The following AKT2 variants were observed in gnomAD, a reference collection of about 807,000 sequenced individuals.
AKT2 encodes the protein RAC-beta serine/threonine-protein kinase.
Under a neutral mutation model 58.6 loss-of-function variants are expected in AKT2, and 16 were observed. The observed-to-expected ratio is 0.27, with a 90% CI of 0.18 to 0.41. The LOEUF (loss-of-function observed/expected upper bound fraction) is 0.41, where lower values mean the gene tolerates loss of function less well. Ranked by LOEUF, AKT2 falls within the 10% of genes least tolerant of loss-of-function variation. The pLI, the probability that AKT2 is intolerant of heterozygous loss-of-function variation, is 1.00. For missense variants in AKT2, 438 were observed against 661.0 expected, an observed-to-expected ratio of 0.66 and a Z score of 3.70; for synonymous variants, 253 against 254.0, an observed-to-expected ratio of 1.00 and a Z score of 0.04.
At chr19:40,284,267 G>A (rs1386104018) in intron 1 of AKT2, among the ~76,000 whole-genome samples, 1 of 152,080 alleles carries the variant, frequency 6.6e-6, no homozygotes, top group African/African-American at 2.4e-5. Context: ...GCGGGTGCAG[G>A]GGCACGGCTC....
At chr19:40,251,030 C>CT (rs1975119092) in intron 4 of AKT2, among the ~76,000 whole-genome samples, 1 of 151,988 alleles carries the variant, frequency 6.6e-6, no homozygotes, top group Admixed American at 6.6e-5. Flanking sequence ...TAGCAAGACT[C>CT]TGTCTCCACA....
chr19:40,236,522 C>T, intron 9 of AKT2, 137 bp from the exon 10 acceptor site: 1 of 1,190,240 alleles, frequency 8.4e-7, no homozygotes, highest in South Asian at 1.3e-5. Context: ...CACACACAGC[C>T]TCACCCTCTG....
intron 1 of AKT2, chr19:40,274,887 G>T: frequency 2.8e-6 from 1 of 359,564 alleles, no homozygotes; most frequent in Non-Finnish European, 5.5e-6. Context: ...CGCCTGAGGC[G>T]AGCTGGGGAG....
chr19:40,274,886 C>T (rs889567125), intron 1 of AKT2: 8 of 356,816 alleles, frequency 2.2e-5, no homozygotes, highest in East Asian at 1.5e-4. Flanking sequence ...CCGCCTGAGG[C>T]GAGCTGGGGA....
chr19:40,277,181 A>C (rs534529936), intron 1 of AKT2, among the ~76,000 whole-genome samples: 2 of 152,296 alleles, frequency 1.3e-5, no homozygotes, highest in African/African-American at 4.8e-5. Context: ...GGCCGTCCTG[A>C]GCCTGTCAGA....
At chr19:40,256,353 A>T (rs917947954) in intron 3 of AKT2, among the ~76,000 whole-genome samples, 3 of 152,200 alleles carry the variant, frequency 2.0e-5, no homozygotes, top group African/African-American at 7.2e-5. Context: ...GAACAACAGG[A>T]CATGGTGACC....
At chr19:40,282,158 T>G in intron 1 of AKT2, 1 of 202,856 alleles carries the variant, frequency 4.9e-6, no homozygotes, top group Non-Finnish European at 1.0e-5. Flanking sequence ...AAGTAGGGGG[T>G]GGGGGAGGCT....
chr19:40,258,144 C>A (rs531160178), intron 2 of AKT2, among the ~76,000 whole-genome samples: 1 of 149,574 alleles, frequency 6.7e-6, no homozygotes, highest in Non-Finnish European at 1.5e-5. Context: ...ACTTGGGAGG[C>A]TGAGGCAGGA....
rs4803321 is a variant in AKT2 at position 40,237,362 on chromosome 19, A to C, written c.831+607T>G. The C allele has an allele frequency of 0.97, 151,098 of 155,204 alleles. 73,577 individuals are homozygous for C. Among genetic ancestry groups the C allele is most frequent in the African/African-American group, 0.99 (41,110 of 41,578 alleles). The allele number at this position is 155,204 out of a possible 1,614,324, so 9.6% of individuals were successfully genotyped here. A position where few individuals can be genotyped will look rare whatever the true frequency, so the allele number is the denominator to read the frequency against. The stretch of plus-strand genomic sequence containing the variant: ...GGACACTGCCAAACTATCTTCTAAA[A>C]TTGGCCGGGCGCGGGGGCTCATGCC... On this transcript the variant is annotated intron_variant, in intron 9 of 13. Transcript: ENST00000392038. The surrounding 1 kb of genome is among the most constrained non-coding windows in gnomAD (Gnocchi z 4.5).
chr19:40,238,202 A>C lies in AKT2; in HGVS notation c.709-111T>G. 1 of 1,402,876 alleles carries C rather than the reference A, an allele frequency of 7.1e-7. No individual in the cohort carries two copies. The highest frequency in any genetic ancestry group is 9.7e-7 in the Non-Finnish European group (1 of 1,027,396). The allele number at this position is 1,402,876 out of a possible 1,614,324, so 86.9% of individuals were successfully genotyped here. A position where few individuals can be genotyped will look rare whatever the true frequency, so the allele number is the denominator to read the frequency against. ...TGATGTGGTGACACCTGTATCATGAACCAGCAAGTGACAGCTAGAGGGACC... is the reference window on the plus strand; with the variant it reads ...TGATGTGGTGACACCTGTATCATGACCCAGCAAGTGACAGCTAGAGGGACC... On this transcript the variant is annotated intron_variant, in intron 8 of 13. Coordinates refer to ENST00000392038, the MANE Select transcript of AKT2 (RefSeq NM_001626.6). This position sits in a 1 kb window ranked among gnomAD's most constrained non-coding sequence, Gnocchi z 5.1.
At chr19:40,267,484 AG>A (rs1976442673) in intron 1 of AKT2, among the ~76,000 whole-genome samples, 1 of 152,072 alleles carries the variant, frequency 6.6e-6, no homozygotes, top group Non-Finnish European at 1.5e-5. Context: ...CTCTTCCTTG[AG>A]GTCTCAGCTA....
chr19:40,263,376 A>C (rs536349893), intron 2 of AKT2, among the ~76,000 whole-genome samples: 2 of 152,306 alleles, frequency 1.3e-5, no homozygotes, highest in South Asian at 4.1e-4. Context: ...CGTGCTGGGG[A>C]TACCACTGTG....
intron 1 of AKT2, chr19:40,268,561 C>T (rs1976519636): frequency 6.6e-6 from 1 of 152,426 alleles, no homozygotes; most frequent in Admixed American, 6.5e-5. Context: ...AGGACAGAAG[C>T]TGAGAGAAGG....
chr19:40,263,475 G>T (rs1009860536), intron 2 of AKT2, among the ~76,000 whole-genome samples: 15 of 152,202 alleles, frequency 9.9e-5, no homozygotes, highest in Non-Finnish European at 2.1e-4. Flanking sequence ...TGAAACCAAG[G>T]CTCAGTGAGG....
chr19:40,247,419 T>C (rs928387297), intron 4 of AKT2, among the ~76,000 whole-genome samples: 13 of 152,138 alleles, frequency 8.5e-5, no homozygotes, highest in Admixed American at 7.2e-4. Flanking sequence ...CCTGTGAAGG[T>C]CACACAGCAG....
At chr19:40,270,091 G>A (rs1331872171) in intron 1 of AKT2, among the ~76,000 whole-genome samples, 1 of 152,170 alleles carries the variant, frequency 6.6e-6, no homozygotes, top group Non-Finnish European at 1.5e-5. Context: ...GGAAACTCAG[G>A]CCCCTCTCCA....
chr19:40,263,122 G>A (rs59392913), intron 2 of AKT2, among the ~76,000 whole-genome samples: 16,511 of 152,162 alleles, frequency 0.11, 1,027 homozygotes, highest in African/African-American at 0.16. Context: ...GCCCAAGAGG[G>A]GCCAAGACTC....
At chr19:40,265,671 C>T (rs1396342001) in intron 1 of AKT2, 6 of 343,028 alleles carry the variant, frequency 1.7e-5, no homozygotes, top group South Asian at 8.4e-5. Context: ...TCAAGGTAGC[C>T]GTGCCCTGCC....
Position 40,257,038 on chromosome 19 carries a change from G to A in AKT2, c.63C>T (p.Thr21=). The A allele has an allele frequency of 6.2e-7, 1 of 1,614,192 alleles. No homozygotes were observed. The highest frequency in any genetic ancestry group is 8.5e-7 in the Non-Finnish European group (1 of 1,180,022). ...WLHKRGEYIK[T]WRPRYFLLKS... ...TCAGCAGGAAGTACCGTGGCCTCCAGGTCTTGATGTATTCACCTGAAATGA... is the reference window on the plus strand; with the variant it reads ...TCAGCAGGAAGTACCGTGGCCTCCAAGTCTTGATGTATTCACCTGAAATGA... The change falls in exon 3 of 14, where the codon ACC becomes ACT. Residue 21 remains threonine, a synonymous_variant. Transcript: ENST00000392038.
Sources: gnomAD v4.1 joint callset for allele counts (sites outside exome capture counted in the v4.1 genomes callset) on GRCh38, gnomAD v4.1.1 for gene constraint, Gnocchi (gnomAD v3.1) non-coding constraint, MANE v1.5 for transcripts, NCBI Gene and HGNC (gene_info 2026-07-23, HGNC 2026-07-21) for gene names.